Variants in JAM2 observed in about 807,000 individuals in gnomAD.
The protein encoded by JAM2 is junctional adhesion molecule B.
In JAM2, 17 loss-of-function variants were observed where a neutral mutation model predicts 42.0. That is an observed-to-expected ratio of 0.40 (90% CI 0.28 to 0.61). The LOEUF is 0.61. Ranked by LOEUF, JAM2 falls within the 20% of genes least tolerant of loss-of-function variation. The pLI, the probability that JAM2 is intolerant of heterozygous loss-of-function variation, is 0.37. For synonymous variants in JAM2, 118 were observed against 128.6 expected, an observed-to-expected ratio of 0.92 and a Z score of 0.56; for missense variants, 319 against 358.3, an observed-to-expected ratio of 0.89 and a Z score of 0.89.
At chr21:25,640,840 T>C (rs957061488) in intron 1 of JAM2, among the ~76,000 whole-genome samples, 8 of 152,078 alleles carry the variant, frequency 5.3e-5, no homozygotes, top group African/African-American at 1.7e-4. Flanking sequence ...TTTCTGTCTC[T>C]CTTTCTTTCT....
chr21:25,667,604 G>C (rs1467706928), intron 1 of JAM2, among the ~76,000 whole-genome samples: 2 of 152,140 alleles, frequency 1.3e-5, no homozygotes, highest in African/African-American at 4.8e-5. Context: ...AGTGTATATA[G>C]GGTTTGGTAC....
In JAM2 at chr21:25,705,983, T is replaced by C. The variant is rs2034262241; in HGVS notation, c.702T>C (p.Asp234=). The C allele has an allele frequency of 3.1e-6, 5 of 1,605,052 alleles. No individual in the cohort carries two copies. The highest frequency in any genetic ancestry group is 4.3e-6 in the Non-Finnish European group (5 of 1,171,922). Residue 234 remains aspartate (D), a synonymous_variant, in exon 7 of 10, where the codon GAT becomes GAC. Transcript: ENST00000480456. ...GTAATTTATTTTACATTCCAGATGA[T>C]CTCAACATAAGTGGCATCATAGCAG... The part of the protein sequence containing the change: ...RCPGKRMQVD[D]LNISGIIAAV...
chr21:25,708,022 A>AT (rs201311462), intron 7 of JAM2, among the ~76,000 whole-genome samples: 1,979 of 151,692 alleles, frequency 0.013, 50 homozygotes, highest in African/African-American at 0.045. Context: ...ATTTTCTTTT[A>AT]TTTTTTGTGG....
chr21:25,681,293 G>C lies in JAM2; in HGVS notation c.68-2590G>C, dbSNP rs150129871. Among the ~76,000 whole-genome samples, 1,246 of 152,282 alleles carry C rather than the reference G, an allele frequency of 8.2e-3. 15 individuals carry two copies. The highest frequency in any genetic ancestry group is 0.027 in the African/African-American group (1,117 of 41,548). On this transcript the variant is annotated intron_variant, in intron 1 of 9. Transcript: ENST00000480456. ...CTAATAAAGACATACCCGAGACTGG[G>C]TACTTCATAAAGGAAAGAGGTTTAA...
chr21:25,708,967 C>T (rs1295805501), intron 7 of JAM2, among the ~76,000 whole-genome samples: 2 of 152,022 alleles, frequency 1.3e-5, no homozygotes, highest in African/African-American at 4.8e-5. Flanking sequence ...AATCTGCCCT[C>T]CCCGCCTATT....
At chr21:25,701,844 A>G (rs1055414893) in intron 5 of JAM2, among the ~76,000 whole-genome samples, 1 of 152,132 alleles carries the variant, frequency 6.6e-6, no homozygotes, top group Non-Finnish European at 1.5e-5. Flanking sequence ...AATTAGAAAT[A>G]CCTACACTAC....
At chr21:25,706,741 T>TG (rs2034278703) in intron 7 of JAM2, among the ~76,000 whole-genome samples, 2 of 152,106 alleles carry the variant, frequency 1.3e-5, no homozygotes, top group Non-Finnish European at 1.5e-5. Context: ...TTAAGATTTT[T>TG]TTTTGTTTGT....
chr21:25,705,878 A>G, intron 6 of JAM2, 101 bp from the exon 7 acceptor site: 2 of 768,434 alleles, frequency 2.6e-6, no homozygotes, highest in South Asian at 1.5e-5. Context: ...GCTTTATGAT[A>G]TAGCTGCAAA....
intron 5 of JAM2, among the ~76,000 whole-genome samples, chr21:25,700,603 G>A (rs764854834): frequency 2.0e-5 from 3 of 152,012 alleles, no homozygotes; most frequent in Non-Finnish European, 4.4e-5. Flanking sequence ...TCAAGTGATC[G>A]CTCGCCTGGG....
At chr21:25,705,704 A>G (rs1403950504) in intron 6 of JAM2, among the ~76,000 whole-genome samples, 1 of 152,220 alleles carries the variant, frequency 6.6e-6, no homozygotes, top group Non-Finnish European at 1.5e-5. Context: ...GAATTATTAC[A>G]CATCTCCAAA....
chr21:25,678,535 A>G (rs2033552784), intron 1 of JAM2, among the ~76,000 whole-genome samples: 1 of 152,226 alleles, frequency 6.6e-6, no homozygotes, highest in East Asian at 1.9e-4. Flanking sequence ...ATGGTTCTTG[A>G]AATATACAAG....
At chr21:25,675,566 A>G (rs1423142301) in intron 1 of JAM2, among the ~76,000 whole-genome samples, 1 of 137,272 alleles carries the variant, frequency 7.3e-6, no homozygotes, top group Non-Finnish European at 1.6e-5. Context: ...GAAGGAAGGA[A>G]GGAGGGAAGG....
chr21:25,713,662 G>A (rs1490943029), intron 9 of JAM2, among the ~76,000 whole-genome samples: 1 of 152,134 alleles, frequency 6.6e-6, no homozygotes, highest in Non-Finnish European at 1.5e-5. Context: ...AACTATTACA[G>A]AATTCACCTT....
chr21:25,703,464 G>A (rs927533130), intron 6 of JAM2, among the ~76,000 whole-genome samples: 4 of 152,126 alleles, frequency 2.6e-5, no homozygotes, highest in Admixed American at 1.3e-4. Flanking sequence ...CCATTGATCC[G>A]AGGTGTTTTG....
intron 1 of JAM2, among the ~76,000 whole-genome samples, chr21:25,676,949 C>G (rs1234948539): frequency 6.6e-6 from 1 of 152,090 alleles, no homozygotes; most frequent in Non-Finnish European, 1.5e-5. Context: ...AGATTCAGAG[C>G]TTTCTGTTCA....
chr21:25,654,398 C>T (rs2032867720), intron 1 of JAM2, among the ~76,000 whole-genome samples: 1 of 152,128 alleles, frequency 6.6e-6, no homozygotes, highest in Admixed American at 6.6e-5. Context: ...CCTGTAATCC[C>T]AGCACTTTGG....
intron 1 of JAM2, among the ~76,000 whole-genome samples, chr21:25,681,338 G>A (rs2033625947): frequency 6.6e-6 from 1 of 152,198 alleles, no homozygotes; most frequent in African/African-American, 2.4e-5. Context: ...AGTTCAGCAT[G>A]GCTGGGGAGG....
rs543607452 is a variant in JAM2 at position 25,678,641 on chromosome 21, T to A, written c.68-5242T>A. The stretch of plus-strand genomic sequence containing the variant: ...TGCTTTCTACAGACATATTTACAGC[T>A]GTCAATAGAAAGGATCAGTTCAGTC... On this transcript the variant is annotated intron_variant, in intron 1 of 9. Transcript: ENST00000480456. 9.8e-5 allele frequency among the ~76,000 whole-genome samples: 15 copies of A among 152,304 alleles called. No homozygotes were observed. The East Asian group carries it at 1.9e-3, about 20-fold the overall frequency.
intron 1 of JAM2, among the ~76,000 whole-genome samples, chr21:25,674,734 A>G (rs2033443069): frequency 6.6e-6 from 1 of 151,556 alleles, no homozygotes; most frequent in African/African-American, 2.4e-5. Context: ...GAGAGACTGT[A>G]AAGACATGTG....
Sources: gnomAD v4.1 joint callset for allele counts (sites outside exome capture counted in the v4.1 genomes callset) on GRCh38, gnomAD v4.1.1 for gene constraint, MANE v1.5 for transcripts, NCBI Gene and HGNC (gene_info 2026-07-23, HGNC 2026-07-21) for gene names.